NEGR1: variants seen among roughly 807,000 people sequenced by gnomAD.
NEGR1 encodes IgLON family member 4.
In NEGR1, 10 loss-of-function variants were observed where a neutral mutation model predicts 40.9. The ratio of observed to expected loss-of-function variants is 0.24; its 90% CI spans 0.15 to 0.42. The LOEUF (loss-of-function observed/expected upper bound fraction) is 0.42. Among genes scored for constraint, NEGR1 ranks in the 10% least tolerant of loss-of-function variants. NEGR1 has a pLI of 1.00. For missense variants in NEGR1, 352 were observed against 438.9 expected, an observed-to-expected ratio of 0.80 and a Z score of 1.77; for synonymous variants, 185 against 166.8, an observed-to-expected ratio of 1.11 and a Z score of -0.84.
At chr1:71,863,239 A>G (rs1453187571) in intron 2 of NEGR1, among the ~76,000 whole-genome samples, 1 of 152,194 alleles carries the variant, frequency 6.6e-6, no homozygotes, top group Non-Finnish European at 1.5e-5. Flanking sequence ...AAAATTTGGT[A>G]CATATACACC....
At chr1:71,958,788 T>C (rs189220730) in intron 1 of NEGR1, among the ~76,000 whole-genome samples, 22 of 151,840 alleles carry the variant, frequency 1.4e-4, no homozygotes, top group Admixed American at 6.6e-4. Flanking sequence ...CCCATCTCTA[T>C]TAAAAATACA....
At chr1:71,459,047 T>C (rs947597798) in intron 6 of NEGR1, among the ~76,000 whole-genome samples, 1 of 151,958 alleles carries the variant, frequency 6.6e-6, no homozygotes, top group African/African-American at 2.4e-5. Context: ...ATAAATAAAA[T>C]AATAAAATAA....
At chr1:72,223,115 G>C (rs1484103062) in intron 1 of NEGR1, among the ~76,000 whole-genome samples, 1 of 151,930 alleles carries the variant, frequency 6.6e-6, no homozygotes, top group Non-Finnish European at 1.5e-5. Flanking sequence ...ATTGAGCAGT[G>C]GGCAAATAAT....
chr1:71,422,157 C>T (rs1387226051), intron 6 of NEGR1, among the ~76,000 whole-genome samples: 1 of 152,144 alleles, frequency 6.6e-6, no homozygotes, highest in Admixed American at 6.5e-5. Context: ...ACAAAAAACT[C>T]ACGAATACAA....
intron 1 of NEGR1, among the ~76,000 whole-genome samples, chr1:71,945,155 C>A (rs1002901738): frequency 1.3e-5 from 2 of 152,094 alleles, no homozygotes; most frequent in African/African-American, 4.8e-5. Flanking sequence ...CAAATGTCAT[C>A]TTTCTTGTGT....
At chr1:71,656,574 G>A (rs1165525988) in intron 4 of NEGR1, among the ~76,000 whole-genome samples, 1 of 152,226 alleles carries the variant, frequency 6.6e-6, no homozygotes, top group East Asian at 1.9e-4. Flanking sequence ...CACCGTGCCC[G>A]TCTAATTTTT....
At chr1:71,607,669 G>A (rs1650113406) in intron 5 of NEGR1, among the ~76,000 whole-genome samples, 1 of 152,112 alleles carries the variant, frequency 6.6e-6, no homozygotes, top group African/African-American at 2.4e-5. Context: ...TTGCTAAATA[G>A]ACAGCTTTTT....
intron 6 of NEGR1, among the ~76,000 whole-genome samples, chr1:71,503,807 T>C (rs1378072780): frequency 4.6e-5 from 7 of 151,896 alleles, no homozygotes; most frequent in Non-Finnish European, 2.9e-5. Context: ...CTGTCATAAA[T>C]ATCCTGTTCA....
intron 2 of NEGR1, among the ~76,000 whole-genome samples, chr1:71,911,910 C>G (rs1367408852): frequency 6.6e-6 from 1 of 152,096 alleles, no homozygotes; most frequent in Non-Finnish European, 1.5e-5. Flanking sequence ...CACCCCATTT[C>G]CTCCTTCATA....
chr1:71,513,820 A>G (rs1311184700), intron 6 of NEGR1, among the ~76,000 whole-genome samples: 5 of 151,062 alleles, frequency 3.3e-5, no homozygotes, highest in Admixed American at 3.3e-4. Flanking sequence ...TACCGGGTTC[A>G]TCTCACTAGG....
At chr1:72,249,781 A>G (rs1388224183) in intron 1 of NEGR1, among the ~76,000 whole-genome samples, 1 of 152,188 alleles carries the variant, frequency 6.6e-6, no homozygotes, top group Non-Finnish European at 1.5e-5. Context: ...AGAACAGGGA[A>G]AGAAAAGGGA....
At chr1:71,444,724 A>G (rs966104926) in intron 6 of NEGR1, among the ~76,000 whole-genome samples, 2 of 87,076 alleles carry the variant, frequency 2.3e-5, no homozygotes, top group African/African-American at 8.0e-5. Flanking sequence ...ACTATTTACT[A>G]TTTGGCTCTT....
chr1:72,097,412 C>T (rs984842862), intron 1 of NEGR1, among the ~76,000 whole-genome samples: 4 of 152,170 alleles, frequency 2.6e-5, no homozygotes, highest in African/African-American at 9.7e-5. Flanking sequence ...CTAGGAAAGA[C>T]TGCCAGGCTT....
chr1:71,917,028 G>T lies in NEGR1; in HGVS notation c.409+18051C>A, dbSNP rs142558721. Among the ~76,000 whole-genome samples, 273 of 152,290 alleles carry T rather than the reference G, an allele frequency of 1.8e-3. 2 individuals carry two copies. The highest frequency in any genetic ancestry group is 6.3e-3 in the African/African-American group (262 of 41,558). The stretch of plus-strand genomic sequence containing the variant: ...ATTTTCTTCTCAGTGTTTCCTGTGT[G>T]TGTATATGCCCTCTATAGCTCCATC... On this transcript the variant is annotated intron_variant, in intron 2 of 6. Transcript: ENST00000357731.
intron 3 of NEGR1, among the ~76,000 whole-genome samples, chr1:71,698,413 A>G (rs1294075290): frequency 6.6e-6 from 1 of 151,896 alleles, no homozygotes; most frequent in Non-Finnish European, 1.5e-5. Flanking sequence ...TCACACATCA[A>G]ATAGACTCTG....
At chr1:72,139,255 GAA>G (rs77435105) in intron 1 of NEGR1, among the ~76,000 whole-genome samples, 2,322 of 98,984 alleles carry the variant, frequency 0.023, 62 homozygotes, top group African/African-American at 0.076. Flanking sequence ...CAGAAAAAGC[GAA>G]AAAAAAAAAA....
At chr1:72,256,820 T>C (rs940568407) in intron 1 of NEGR1, among the ~76,000 whole-genome samples, 8 of 152,278 alleles carry the variant, frequency 5.3e-5, no homozygotes, top group East Asian at 1.9e-4. Context: ...TGTAATGACA[T>C]GGTAAACAGA....
intron 4 of NEGR1, among the ~76,000 whole-genome samples, chr1:71,612,114 C>T (rs1292814881): frequency 5.9e-5 from 9 of 152,116 alleles, no homozygotes; most frequent in South Asian, 4.2e-4. Context: ...CCCAGCTACT[C>T]GGGAGGCTGA....
intron 1 of NEGR1, among the ~76,000 whole-genome samples, chr1:72,059,406 T>C (rs1191771831): frequency 6.6e-6 from 1 of 151,514 alleles, no homozygotes; most frequent in Non-Finnish European, 1.5e-5. Flanking sequence ...GTGTGGGGAG[T>C]GCAAAGTTCC....
Sources: gnomAD v4.1 joint callset for allele counts (sites outside exome capture counted in the v4.1 genomes callset) on GRCh38, gnomAD v4.1.1 for gene constraint, MANE v1.5 for transcripts, NCBI Gene and HGNC (gene_info 2026-07-23, HGNC 2026-07-21) for gene names.